The following SAMD7 variants were observed in gnomAD, a reference collection of about 807,000 sequenced individuals.
SAMD7 encodes the protein sterile alpha motif domain-containing protein 7.
In SAMD7, 34 loss-of-function variants were observed where a neutral mutation model predicts 36.7. The ratio of observed to expected loss-of-function variants is 0.93; its 90% confidence interval spans 0.71 to 1.23. The LOEUF is 1.23. Ranked by LOEUF, SAMD7 falls within the 50% of genes most tolerant of loss-of-function variation. SAMD7 has a pLI of 0.00. For missense variants in SAMD7, 570 were observed against 546.6 expected (o/e 1.04, Z -0.43); for synonymous variants, 188 against 189.7 (o/e 0.99, Z 0.07).
chr3:169,922,131 A>G (rs1284151998), intron 4 of SAMD7, among the ~76,000 whole-genome samples: 4 of 152,198 alleles, frequency 2.6e-5, no homozygotes, highest in Non-Finnish European at 5.9e-5. Context: ...GCTTGCTCAT[A>G]TTACATCTGA....
chr3:169,933,100 C>CA (rs1251811175), intron 7 of SAMD7: 7 of 879,388 alleles, frequency 8.0e-6, no homozygotes, highest in Non-Finnish European at 1.3e-5. Context: ...CCCCTCTCCC[C>CA]AGTGCTCTCT....
intron 3 of SAMD7, among the ~76,000 whole-genome samples, chr3:169,920,079 C>T (rs553456539): frequency 2.6e-5 from 4 of 152,286 alleles, no homozygotes; most frequent in East Asian, 1.9e-4. Flanking sequence ...GAGGCTGAGG[C>T]GGGAGAATCG....
intron 7 of SAMD7, among the ~76,000 whole-genome samples, chr3:169,933,826 C>T (rs754610182): frequency 2.6e-5 from 4 of 152,302 alleles, no homozygotes; most frequent in Non-Finnish European, 2.9e-5. Flanking sequence ...AGTGATCCCA[C>T]ATCCATACGA....
chr3:169,922,542 C>T lies in SAMD7; in HGVS notation c.211+1204C>T, dbSNP rs571969582. The stretch of plus-strand genomic sequence containing the variant: ...GAGATGGAGTTTCACTCTTGTTGCC[C>T]AGGCTGGAGTGCAATGGCACAATCT... On this transcript the variant is annotated intron_variant, in intron 4 of 8. Transcript: ENST00000335556. Among the ~76,000 whole-genome samples, 4 of 152,312 alleles carry T rather than the reference C, an allele frequency of 2.6e-5. No individual in the cohort carries two copies. The South Asian group carries it at 8.3e-4, about 32-fold the overall frequency.
intron 8 of SAMD7, 104 bp from the exon 9 acceptor site, chr3:169,938,214 C>T: frequency 1.4e-6 from 1 of 714,002 alleles, no homozygotes. Context: ...TTAATAGATG[C>T]TCCATGCCTG....
chr3:169,923,909 A>G (rs1311926225), intron 4 of SAMD7, among the ~76,000 whole-genome samples: 1 of 152,222 alleles, frequency 6.6e-6, no homozygotes, highest in African/African-American at 2.4e-5. Context: ...ATTAAGTTTG[A>G]TATTGCCTGT....
rs59993138 is a variant in SAMD7, at chr3:169,921,460, C to T, written c.211+122C>T. 7,230 of 962,580 alleles carry T rather than the reference C, an allele frequency of 7.5e-3. 132 individuals carry two copies. Among genetic ancestry groups the T allele is most frequent in the African/African-American group, 0.043 (2,668 of 62,046 alleles). 59.6% of individuals were successfully genotyped at this position (962,580 alleles called of 1,614,324 possible). ...CAGATCTGTGTGGTGGTTGTCTCTGCAGTCTCTGTAGTCACCACCTAGGTT... is the reference window on the plus strand; with the variant it reads ...CAGATCTGTGTGGTGGTTGTCTCTGTAGTCTCTGTAGTCACCACCTAGGTT... On this transcript the variant is annotated intron_variant, in intron 4 of 8. Coordinates refer to ENST00000335556, the MANE Select transcript of SAMD7 (RefSeq NM_001304366.2).
intron 7 of SAMD7, chr3:169,933,047 T>G: frequency 2.4e-6 from 2 of 847,060 alleles, no homozygotes. Flanking sequence ...ACCTAAAGAA[T>G]GGTGTGCTGA....
At chr3:169,916,751 A>G (rs1328775625) in intron 2 of SAMD7, among the ~76,000 whole-genome samples, 1 of 152,220 alleles carries the variant, frequency 6.6e-6, no homozygotes, top group Non-Finnish European at 1.5e-5. Context: ...TCGATTCATG[A>G]CACAAATCAA....
intron 4 of SAMD7, among the ~76,000 whole-genome samples, chr3:169,922,947 G>A (rs1713109747): frequency 6.6e-6 from 1 of 152,240 alleles, no homozygotes; most frequent in Non-Finnish European, 1.5e-5. Context: ...CCATGTGGCG[G>A]TCATCAGAGA....
chr3:169,923,694 A>G (rs1487417027), intron 4 of SAMD7, among the ~76,000 whole-genome samples: 2 of 152,184 alleles, frequency 1.3e-5, no homozygotes, highest in Admixed American at 6.5e-5. Context: ...ATGAGCCAAG[A>G]CCATGCCATT....
Position 169,926,608 on chromosome 3 carries a change from C to T in SAMD7, c.346C>T (p.Pro116Ser). The change falls in exon 6 of 9, where the codon CCC becomes TCC. Residue 116 changes from proline to serine, a missense_variant. By Grantham distance (74) the Pro-to-Ser change is moderately conservative (BLOSUM62 -1). Coordinates refer to ENST00000335556, the MANE Select transcript of SAMD7 (RefSeq NM_001304366.2). ...GCAAAGGAGAATGGAAAAAATTAAT[C>T]CCAAGGGACTAGCAGGCCTAGGGAT... The part of the protein sequence containing the change: ...YQQRRMEKIN[P>S]KGLAGLGIPF... 3 of 1,613,302 alleles carry T rather than the reference C, an allele frequency of 1.9e-6. No individual in the cohort carries two copies. Among genetic ancestry groups the T allele is most frequent in the Non-Finnish European group, 2.5e-6 (3 of 1,179,606 alleles).
chr3:169,927,108 T>C lies in SAMD7; in HGVS notation c.846T>C (p.Ala282=), dbSNP rs749820249. The C allele has an allele frequency of 5.7e-6, 9 of 1,585,772 alleles. No homozygotes were observed. The highest frequency in any genetic ancestry group is 1.4e-5 in the African/African-American group (1 of 72,772). Reference sequence around the variant, plus strand: ...CCTGGGACGATGGGAAAGAGGAGGCTTCGGAGCAGATTTTTGCAACCTGTG... The same window carrying C: ...CCTGGGACGATGGGAAAGAGGAGGCCTCGGAGCAGATTTTTGCAACCTGTG... The part of the protein sequence containing the change: ...AKAWDDGKEE[A]SEQIFATCDE... Residue 282 remains alanine, a synonymous_variant, in exon 6 of 9, where the codon GCT becomes GCC. Transcript: ENST00000335556.
chr3:169,922,726 C>T (rs762900826), intron 4 of SAMD7, among the ~76,000 whole-genome samples: 1 of 152,186 alleles, frequency 6.6e-6, no homozygotes, highest in Non-Finnish European at 1.5e-5. Context: ...TCTGGAACTC[C>T]TGACTTAAGT....
chr3:169,921,464 C>T, intron 4 of SAMD7, 126 bp downstream of exon 4: 1 of 897,722 alleles, frequency 1.1e-6, no homozygotes, highest in Middle Eastern at 2.3e-4. Context: ...TCTCTGCAGT[C>T]TCTGTAGTCA....
At chr3:169,922,904 A>G (rs1713107733) in intron 4 of SAMD7, among the ~76,000 whole-genome samples, 1 of 152,240 alleles carries the variant, frequency 6.6e-6, no homozygotes, top group Non-Finnish European at 1.5e-5. Context: ...AGCAAGTAAG[A>G]TGAAAACTGA....
chr3:169,918,201 G>T (rs929395537), intron 2 of SAMD7, among the ~76,000 whole-genome samples: 1 of 150,900 alleles, frequency 6.6e-6, no homozygotes, highest in African/African-American at 2.4e-5. Context: ...GCCTCCCAAA[G>T]TGCTGGGATG....
chr3:169,918,189 C>T (rs1712896693), intron 2 of SAMD7, among the ~76,000 whole-genome samples: 1 of 152,210 alleles, frequency 6.6e-6, no homozygotes, highest in Admixed American at 6.5e-5. Context: ...CCGCCTGCCT[C>T]AGCCTCCCAA....
intron 8 of SAMD7, 21 bp from the exon 9 acceptor site, chr3:169,938,297 A>G (rs369957325): frequency 3.3e-6 from 5 of 1,514,304 alleles, no homozygotes; most frequent in African/African-American, 1.4e-5. Flanking sequence ...ATTGATTACT[A>G]TAATTATTTT....
Sources: gnomAD v4.1 joint callset for allele counts (sites outside exome capture counted in the v4.1 genomes callset) on GRCh38, gnomAD v4.1.1 for gene constraint, MANE v1.5 for transcripts, NCBI Gene and HGNC (gene_info 2026-07-23, HGNC 2026-07-21) for gene names.